The following TEAD1 variants were observed in gnomAD, a reference collection of about 807,000 sequenced individuals.
The protein encoded by TEAD1 is transcriptional enhancer factor TEF-1.
TEAD1 carries 9 observed loss-of-function variants against 54.9 expected under a neutral mutation model. The ratio of observed to expected loss-of-function variants is 0.16; its 90% CI spans 0.10 to 0.29. The LOEUF (loss-of-function observed/expected upper bound fraction) is 0.29. Ranked by LOEUF, TEAD1 falls within the 10% of genes least tolerant of loss-of-function variation. The pLI is 1.00. For synonymous variants in TEAD1, 200 were observed against 187.8 expected (o/e 1.07, Z -0.53); for missense variants, 387 against 535.9 (o/e 0.72, Z 2.74).
intron 5 of TEAD1, among the ~76,000 whole-genome samples, chr11:12,868,096 G>A (rs1266076150): frequency 2.6e-5 from 4 of 152,174 alleles, no homozygotes; most frequent in Non-Finnish European, 5.9e-5. Context: ...TGGAAAAGTG[G>A]CTTACCCGCA....
At chr11:12,903,853 ATAT>A (rs907145005) in intron 10 of TEAD1, among the ~76,000 whole-genome samples, 3 of 152,206 alleles carry the variant, frequency 2.0e-5, no homozygotes, top group African/African-American at 7.2e-5. Flanking sequence ...CCTTCTACTT[ATAT>A]TAATGGATGT....
At chr11:12,821,961 C>CTTTTTT (rs10700151) in intron 3 of TEAD1, among the ~76,000 whole-genome samples, 777 of 68,022 alleles carry the variant, frequency 0.011, 159 homozygotes, top group African/African-American at 0.037. Context: ...TTCTCTTTTC[C>CTTTTTT]TTTTTTTTTT....
At position 12,764,449 on chromosome 11, in the gene TEAD1, A is replaced by G; in HGVS notation, c.202+15A>G. ...CAAAATGTATGGTAAGTGGCCTGGA[A>G]CACTCCTTTGAAATACTACAACCTG... On this transcript the variant is annotated intron_variant, in intron 3 of 12. Transcript: ENST00000527636. 6.2e-7 allele frequency: 1 copy of G among 1,613,964 alleles called. No individual in the cohort carries two copies. The highest frequency in any genetic ancestry group is 8.5e-7 in the Non-Finnish European group (1 of 1,179,890).
intron 3 of TEAD1, among the ~76,000 whole-genome samples, chr11:12,840,261 A>AAAAAAAAAAT (rs1947003303): frequency 7.1e-5 from 1 of 14,056 alleles, no homozygotes; most frequent in Non-Finnish European, 1.7e-4. Flanking sequence ...AAAAAAAAAA[A>AAAAAAAAAAT]AGAAAAAAAA....
chr11:12,719,995 G>GTTTTTTT (rs1564917684), intron 2 of TEAD1, among the ~76,000 whole-genome samples: 1 of 2,704 alleles, frequency 3.7e-4, no homozygotes, highest in African/African-American at 8.4e-4. Flanking sequence ...TTTTTTTTTT[G>GTTTTTTT]GGGGGGGACC....
At chr11:12,889,955 C>G (rs1259349273) in intron 9 of TEAD1, among the ~76,000 whole-genome samples, 1 of 152,088 alleles carries the variant, frequency 6.6e-6, no homozygotes, top group Non-Finnish European at 1.5e-5. Flanking sequence ...CTCCTGGGCT[C>G]AAGCGATCCA....
chr11:12,863,746 T>C (rs1947555082), intron 4 of TEAD1, among the ~76,000 whole-genome samples: 1 of 152,118 alleles, frequency 6.6e-6, no homozygotes, highest in Admixed American at 6.6e-5. Flanking sequence ...ATTTGCCCGG[T>C]GACCCCTTCA....
chr11:12,906,357 C>T (rs573261863), intron 10 of TEAD1, among the ~76,000 whole-genome samples: 9 of 151,882 alleles, frequency 5.9e-5, no homozygotes, highest in South Asian at 2.1e-4. Context: ...CTGGCTAACA[C>T]GGTGAAACCC....
intron 2 of TEAD1, among the ~76,000 whole-genome samples, chr11:12,691,128 GT>G (rs200777166): frequency 2.6e-5 from 4 of 151,768 alleles, no homozygotes; most frequent in South Asian, 2.1e-4. Flanking sequence ...AGGAAAGATA[GT>G]TTTTTTTTGT....
chr11:12,832,015 C>T (rs1039112213), intron 3 of TEAD1, among the ~76,000 whole-genome samples: 1 of 152,030 alleles, frequency 6.6e-6, no homozygotes, highest in Admixed American at 6.6e-5. Context: ...TGGAACTGAT[C>T]CTAGTGCCAT....
At chr11:12,677,929 A>G (rs1373705069) in intron 2 of TEAD1, among the ~76,000 whole-genome samples, 1 of 152,186 alleles carries the variant, frequency 6.6e-6, no homozygotes, top group East Asian at 1.9e-4. Context: ...GCAAATGAAA[A>G]TTGTGTCTTA....
At chr11:12,916,740 TG>T (rs1269774094) in intron 10 of TEAD1, among the ~76,000 whole-genome samples, 2 of 152,242 alleles carry the variant, frequency 1.3e-5, no homozygotes, top group African/African-American at 2.4e-5. Context: ...CACAGACGCC[TG>T]GACCAGTGTC....
At chr11:12,818,231 A>G (rs138232569) in intron 3 of TEAD1, among the ~76,000 whole-genome samples, 128 of 152,342 alleles carry the variant, frequency 8.4e-4, no homozygotes, top group Non-Finnish European at 1.5e-3. Context: ...CCCAGAGTGT[A>G]TCTCAACTTA....
intron 10 of TEAD1, chr11:12,921,269 G>T (rs971536056): frequency 2.0e-5 from 3 of 152,228 alleles, no homozygotes; most frequent in African/African-American, 7.2e-5. Context: ...AGGCATGGTG[G>T]CTTAGGCCTG....
intron 3 of TEAD1, among the ~76,000 whole-genome samples, chr11:12,794,137 T>C (rs1945863757): frequency 6.6e-6 from 1 of 152,234 alleles, no homozygotes; most frequent in South Asian, 2.1e-4. Context: ...ATTCAAACCC[T>C]ACTACCACTT....
rs746167499 is a variant in TEAD1, at chr11:12,828,570, T to A, written c.203-33680T>A. Among the ~76,000 whole-genome samples, 26 of 152,108 alleles carry A rather than the reference T, an allele frequency of 1.7e-4. 1 individual carries two copies. Among genetic ancestry groups the A allele is most frequent in the Non-Finnish European group, 2.9e-4 (20 of 68,030 alleles). ...GCTGAACCTTGGTTTCAAAAGCTGA[T>A]GTTTGAGTTGAATTTCTTAAAGATA... On this transcript the variant is annotated intron_variant, in intron 3 of 12. Transcript: ENST00000527636.
chr11:12,851,032 T>A (rs1363555658), intron 3 of TEAD1: 1 of 970,322 alleles, frequency 1.0e-6, no homozygotes, highest in Non-Finnish European at 1.2e-6. Context: ...GCTGTCTAAT[T>A]TTCATAATCT....
chr11:12,899,871 G>C (rs1404792874), intron 9 of TEAD1, among the ~76,000 whole-genome samples: 1 of 152,168 alleles, frequency 6.6e-6, no homozygotes, highest in African/African-American at 2.4e-5. Flanking sequence ...CAGTTGCACT[G>C]CCCCTTATAT....
At chr11:12,852,911 GA>G (rs1947304538) in intron 3 of TEAD1, among the ~76,000 whole-genome samples, 1 of 152,226 alleles carries the variant, frequency 6.6e-6, no homozygotes, top group Non-Finnish European at 1.5e-5. Context: ...GACCAGGACA[GA>G]ATGGTGAAGC....
Sources: allele counts gnomAD v4.1 joint callset (sites outside exome capture counted in the v4.1 genomes callset), GRCh38; gene constraint gnomAD v4.1.1; transcripts MANE v1.5; gene names NCBI Gene and HGNC (gene_info 2026-07-23, HGNC 2026-07-21).